The following RIN2 variants were observed in gnomAD, a reference collection of about 807,000 sequenced individuals.
RIN2 encodes Ras and Rab interactor 2, also known as RAB5 interacting protein 2.
In RIN2, 36 loss-of-function variants were observed where a neutral mutation model predicts 78.0. That is an observed-to-expected ratio of 0.46 (90% CI 0.35 to 0.61). The LOEUF (loss-of-function observed/expected upper bound fraction) is 0.61, where lower values mean the gene tolerates loss of function less well. Among genes scored for constraint, RIN2 ranks in the 20% least tolerant of loss-of-function variants. RIN2 has a pLI of 0.00. For synonymous variants in RIN2, 466 were observed against 466.8 expected (o/e 1.00, Z 0.02); for missense variants, 1,087 against 1,159.7 (o/e 0.94, Z 0.91).
Position 19,765,140 on chromosome 20 carries a change from G to A in RIN2, c.-163+6813G>A, listed in dbSNP as rs558275145. ...GCTGGGATTACAGGCGTGAGCCACC[G>A]TGCCAGGCCACTTTCTGCCCTTTTA... On this transcript the variant is annotated intron_variant, in intron 1 of 12. Transcript: ENST00000255006. Among the ~76,000 whole-genome samples the A allele has an allele frequency of 1.1e-4, 17 of 151,944 alleles. No individual in the cohort carries two copies. The South Asian group carries it at 2.9e-3, about 26-fold the overall frequency.
intron 3 of RIN2, among the ~76,000 whole-genome samples, chr20:19,925,692 T>A (rs2040196670): frequency 6.6e-6 from 1 of 152,132 alleles, no homozygotes; most frequent in African/African-American, 2.4e-5. Context: ...AAACAAAAAT[T>A]ATTTCTGCTC....
intron 5 of RIN2, among the ~76,000 whole-genome samples, chr20:19,960,469 G>A (rs2041704776): frequency 6.6e-6 from 1 of 152,180 alleles, no homozygotes; most frequent in Non-Finnish European, 1.5e-5. Context: ...TTAGCCCCAT[G>A]GAGAAGCTTC....
chr20:19,804,848 T>C (rs558449594), intron 2 of RIN2, among the ~76,000 whole-genome samples: 28 of 152,108 alleles, frequency 1.8e-4, no homozygotes, highest in African/African-American at 4.6e-4. Context: ...TGTTTTGCTG[T>C]TGTTGTTGTT....
intron 1 of RIN2, among the ~76,000 whole-genome samples, chr20:19,774,918 C>T (rs2034260248): frequency 6.6e-6 from 1 of 152,184 alleles, no homozygotes; most frequent in Admixed American, 6.5e-5. Context: ...TGGAGAATGA[C>T]CCAGCAAAGC....
At chr20:19,851,968 G>T (rs2036995246) in intron 2 of RIN2, among the ~76,000 whole-genome samples, 2 of 152,108 alleles carry the variant, frequency 1.3e-5, no homozygotes, top group Non-Finnish European at 2.9e-5. Flanking sequence ...GCTCAACTAG[G>T]CTTGGCTGCA....
intron 4 of RIN2, among the ~76,000 whole-genome samples, chr20:19,954,683 G>T (rs1401595310): frequency 6.6e-6 from 1 of 152,004 alleles, no homozygotes; most frequent in Non-Finnish European, 1.5e-5. Flanking sequence ...CCGCTACATG[G>T]ATACAAACTG....
At chr20:19,792,293 T>C (rs1262782172) in intron 1 of RIN2, among the ~76,000 whole-genome samples, 2 of 152,178 alleles carry the variant, frequency 1.3e-5, no homozygotes, top group Non-Finnish European at 2.9e-5. Context: ...AATATACATT[T>C]CTAAAAGATG....
chr20:19,884,881 T>G (rs1354532277), intron 2 of RIN2, among the ~76,000 whole-genome samples: 1 of 152,194 alleles, frequency 6.6e-6, no homozygotes, highest in Non-Finnish European at 1.5e-5. Context: ...AAAAGTGAGA[T>G]GCATTTCTTA....
chr20:19,875,714 C>A (rs2037835638), intron 2 of RIN2, among the ~76,000 whole-genome samples: 1 of 152,082 alleles, frequency 6.6e-6, no homozygotes, highest in African/African-American at 2.4e-5. Flanking sequence ...GAAACAGACA[C>A]AGACAGTGGT....
chr20:19,825,744 A>G (rs2036071101), intron 2 of RIN2, among the ~76,000 whole-genome samples: 1 of 152,226 alleles, frequency 6.6e-6, no homozygotes, highest in Admixed American at 6.5e-5. Context: ...AGATGCTCTC[A>G]CGTGTGTTTC....
At chr20:19,912,912 C>T (rs2039536641) in intron 3 of RIN2, among the ~76,000 whole-genome samples, 1 of 152,230 alleles carries the variant, frequency 6.6e-6, no homozygotes, top group African/African-American at 2.4e-5. Context: ...TGCATGTTGT[C>T]CACAGCATCA....
In RIN2 at chr20:19,772,931, A is replaced by G. The variant is rs369332523; in HGVS notation, c.-163+14604A>G. Among the ~76,000 whole-genome samples the G allele has an allele frequency of 2.6e-5, 4 of 152,348 alleles. No individual in the cohort carries two copies. The East Asian group carries it at 7.7e-4, about 29-fold the overall frequency. ...TAATAACCTCAGGGTGTCCCTGTGT[A>G]GAAATACAGGCATGCATTAATTTTC... On this transcript the variant is annotated intron_variant, in intron 1 of 12. Transcript: ENST00000255006.
At chr20:19,947,077 T>C (rs943871633) in intron 4 of RIN2, among the ~76,000 whole-genome samples, 4 of 150,028 alleles carry the variant, frequency 2.7e-5, no homozygotes, top group Admixed American at 6.6e-5. Context: ...GGAAACACAC[T>C]GAATACATAT....
At chr20:19,819,899 A>C (rs2035879289) in intron 2 of RIN2, among the ~76,000 whole-genome samples, 1 of 152,182 alleles carries the variant, frequency 6.6e-6, no homozygotes, top group Non-Finnish European at 1.5e-5. Flanking sequence ...CAGAGACGAC[A>C]TCTAATCCAA....
At chr20:19,807,559 A>C (rs575503064) in intron 2 of RIN2, among the ~76,000 whole-genome samples, 1 of 152,014 alleles carries the variant, frequency 6.6e-6, no homozygotes, top group Non-Finnish European at 1.5e-5. Context: ...TCACCTTAGA[A>C]TTATGAAGTG....
At chr20:19,801,679 G>C (rs2035248159) in intron 2 of RIN2, among the ~76,000 whole-genome samples, 1 of 152,274 alleles carries the variant, frequency 6.6e-6, no homozygotes, top group Non-Finnish European at 1.5e-5. Flanking sequence ...GGAAGGCCCG[G>C]GATTGGTCTG....
chr20:19,910,920 A>G (rs1317838819), intron 3 of RIN2, among the ~76,000 whole-genome samples: 2 of 152,118 alleles, frequency 1.3e-5, no homozygotes, highest in African/African-American at 4.8e-5. Context: ...AGTTGCAAGA[A>G]GAGTTCAAAG....
intron 2 of RIN2, among the ~76,000 whole-genome samples, chr20:19,813,528 T>C (rs949280401): frequency 1.3e-5 from 2 of 152,188 alleles, no homozygotes; most frequent in African/African-American, 4.8e-5. Flanking sequence ...AGAAATAGAT[T>C]ATAACAATTG....
intron 2 of RIN2, among the ~76,000 whole-genome samples, chr20:19,812,580 A>G (rs1325382008): frequency 6.6e-6 from 1 of 152,152 alleles, no homozygotes; most frequent in Non-Finnish European, 1.5e-5. Flanking sequence ...CCTGAGTAGT[A>G]AGGGTTTGGA....
Sources: gnomAD v4.1 joint callset for allele counts (sites outside exome capture counted in the v4.1 genomes callset) on GRCh38, gnomAD v4.1.1 for gene constraint, MANE v1.5 for transcripts, NCBI Gene and HGNC (gene_info 2026-07-23, HGNC 2026-07-21) for gene names.